The following C4orf50 variants were observed in gnomAD, a reference collection of about 807,000 sequenced individuals.
The protein encoded by C4orf50 is uncharacterized protein C4orf50.
In C4orf50, 80 loss-of-function variants were observed where a neutral mutation model predicts 77.2. That is an observed-to-expected ratio of 1.04 (90% confidence interval 0.87 to 1.25). C4orf50 has a LOEUF of 1.25. Among genes scored for constraint, C4orf50 ranks in the 50% most tolerant of loss-of-function variants. The pLI is 0.00. For synonymous variants in C4orf50, 532 were observed against 465.3 expected (o/e 1.14, Z -1.84); for missense variants, 1,257 against 1,152.9 (o/e 1.09, Z -1.31).
intron 7 of C4orf50, among the ~76,000 whole-genome samples, chr4:5,921,978 C>A (rs946691215): frequency 6.6e-6 from 1 of 152,094 alleles, no homozygotes; most frequent in Non-Finnish European, 1.5e-5. Flanking sequence ...AAAAAGCCCC[C>A]GAAGGAACCT....
In C4orf50 at chr4:6,008,364, G is replaced by A. The variant is rs1388961009; in HGVS notation, c.595C>T (p.Arg199Trp). Reference sequence around the variant, plus strand: ...CGCTCCAGCCGCTGCACCTGCTCCCGCAGGACGCGCTCCTGCTCCCGCACC... The same window carrying A: ...CGCTCCAGCCGCTGCACCTGCTCCCACAGGACGCGCTCCTGCTCCCGCACC... The change falls in exon 25 of 34, where the codon CGG becomes TGG. Residue 199 changes from arginine (R) to tryptophan (W), a missense_variant. Transcript: ENST00000531445. This position sits in a 1 kb window ranked among gnomAD's most constrained non-coding sequence, Gnocchi z 6.0. The A allele has an allele frequency of 7.7e-6, 3 of 391,770 alleles. No homozygotes were observed. The highest frequency in any genetic ancestry group is 4.1e-5 in the African/African-American group (2 of 48,208). The allele number at this position is 391,770 out of a possible 1,614,324, so 24.3% of individuals were successfully genotyped here.
chr4:6,001,295 G>A (rs948901141), intron 25 of C4orf50, among the ~76,000 whole-genome samples: 4 of 152,136 alleles, frequency 2.6e-5, no homozygotes, highest in African/African-American at 7.2e-5. Flanking sequence ...GATTACAGGC[G>A]CATGCCACCA....
chr4:5,982,791 T>G (rs1720663607), intron 28 of C4orf50, among the ~76,000 whole-genome samples: 1 of 148,988 alleles, frequency 6.7e-6, no homozygotes. Flanking sequence ...AGCCTGGGGG[T>G]GGGGGGAAGC....
intron 7 of C4orf50, among the ~76,000 whole-genome samples, chr4:5,925,180 A>G (rs1717459717): frequency 6.6e-6 from 1 of 151,952 alleles, no homozygotes; most frequent in Admixed American, 6.6e-5. Context: ...AAGAGAAGGG[A>G]CCAGCTGATG....
chr4:5,954,882 T>G (rs1360198277), downstream of C4orf50, among the ~76,000 whole-genome samples: 4 of 152,040 alleles, frequency 2.6e-5, no homozygotes, highest in Non-Finnish European at 5.9e-5. This position sits in a 1 kb window ranked among gnomAD's most constrained non-coding sequence, Gnocchi z 4.7. Context: ...TGAGAGAAGA[T>G]TCAGCAGCCG....
At chr4:6,005,357 G>T (rs1256400741) in intron 25 of C4orf50, among the ~76,000 whole-genome samples, 3 of 152,192 alleles carry the variant, frequency 2.0e-5, no homozygotes, top group African/African-American at 7.2e-5. Flanking sequence ...CACATGAGGT[G>T]CAGTTCCCCT....
Position 6,018,097 on chromosome 4 carries a change from C to A in C4orf50, c.287+48G>T, listed in dbSNP as rs1043551308. 2 of 397,898 alleles carry A rather than the reference C, an allele frequency of 5.0e-6. No homozygotes were observed. Among genetic ancestry groups the A allele is most frequent in the African/African-American group, 4.1e-5 (2 of 48,604 alleles). 24.6% of individuals were successfully genotyped at this position (397,898 alleles called of 1,614,324 possible). A position where few individuals can be genotyped will look rare whatever the true frequency, so the allele number is the denominator to read the frequency against. The stretch of plus-strand genomic sequence containing the variant: ...CACCATGGTGACACACTCTGATGGC[C>A]CCGCGGTTTGTGAAATACACACAGA... On this transcript the variant is annotated intron_variant, in intron 23 of 33. Transcript: ENST00000531445. The surrounding 1 kb of genome is among the most constrained non-coding windows in gnomAD (Gnocchi z 5.1).
At chr4:5,975,815 T>G in intron 30 of C4orf50, 84 bp downstream of exon 8, 5 of 1,073,786 alleles carry the variant, frequency 4.7e-6, no homozygotes, top group South Asian at 1.3e-5. Context: ...ACAATAGAGG[T>G]GGATTACATG....
At chr4:5,955,147 A>G (rs1006435589), downstream of C4orf50, among the ~76,000 whole-genome samples, 1 of 152,178 alleles carries the variant, frequency 6.6e-6, no homozygotes, top group Non-Finnish European at 1.5e-5. The surrounding 1 kb of genome is among the most constrained non-coding windows in gnomAD (Gnocchi z 5.1). Context: ...TTTTTTAAAA[A>G]TGACAAGCAT....
Position 5,991,204 on chromosome 4 carries a change from C to T in C4orf50, c.1222-380G>A, listed in dbSNP as rs1721265220. ...ATATATTTCTGTCTATATCATCTAA[C>T]TCCCCCTATAGCCCTGCCCTGTCCA... On this transcript the variant is annotated intron_variant, in intron 27 of 33. Coordinates refer to ENST00000531445, the Ensembl canonical transcript of C4orf50. 2.0e-5 allele frequency among the ~76,000 whole-genome samples: 3 copies of T among 152,232 alleles called. No homozygotes were observed. The South Asian group carries it at 6.2e-4, about 32-fold the overall frequency.
downstream of C4orf50, among the ~76,000 whole-genome samples, chr4:5,952,548 C>G (rs948834164): frequency 6.6e-6 from 1 of 152,332 alleles, no homozygotes; most frequent in South Asian, 2.1e-4. This position sits in a 1 kb window ranked among gnomAD's most constrained non-coding sequence, Gnocchi z 4.4. Context: ...CACCTGGCTG[C>G]GGGTGGAAGG....
exon 28 of C4orf50, chr4:5,990,038 C>T (rs1721167335): frequency 2.2e-6 from 3 of 1,352,584 alleles, no homozygotes; most frequent in South Asian, 4.7e-5. Context: ...GAGAAGGTGG[C>T]TGGGGGTGCC....
intron 7 of C4orf50, among the ~76,000 whole-genome samples, chr4:5,928,151 A>C (rs527680314): frequency 9.2e-5 from 14 of 152,366 alleles, no homozygotes; most frequent in Admixed American, 9.1e-4. Context: ...CTGAAAATTT[A>C]ATTCAGATAG....
In C4orf50 at chr4:6,017,246, G is replaced by A. The variant is rs1578006134; in HGVS notation, c.287+899C>T. 2.0e-5 allele frequency among the ~76,000 whole-genome samples: 3 copies of A among 152,342 alleles called. No individual in the cohort carries two copies. In the East Asian group the frequency reaches 5.8e-4, roughly 29 times the overall value. ...AGGCAGCCTGGATTAGCAACTGCCGGAAGCCACTTCTGCCCCTGGGGCTGG... is the reference window on the plus strand; with the variant it reads ...AGGCAGCCTGGATTAGCAACTGCCGAAAGCCACTTCTGCCCCTGGGGCTGG... On this transcript the variant is annotated intron_variant, in intron 23 of 33. Coordinates refer to ENST00000531445, the Ensembl canonical transcript of C4orf50. This position sits in a 1 kb window ranked among gnomAD's most constrained non-coding sequence, Gnocchi z 4.7.
At chr4:5,998,154 G>C (rs1385422206) in intron 25 of C4orf50, among the ~76,000 whole-genome samples, 2 of 152,190 alleles carry the variant, frequency 1.3e-5, no homozygotes, top group African/African-American at 4.8e-5. Flanking sequence ...TTATACTCCT[G>C]ATAGCTCAAA....
At chr4:5,912,890 G>C (rs969144133) in intron 7 of C4orf50, among the ~76,000 whole-genome samples, 3 of 152,198 alleles carry the variant, frequency 2.0e-5, no homozygotes, top group Non-Finnish European at 4.4e-5. Context: ...ATGACATGTG[G>C]CAGGGGAAAT....
chr4:5,907,877 C>A (rs1042931576), intron 7 of C4orf50, among the ~76,000 whole-genome samples: 1 of 152,160 alleles, frequency 6.6e-6, no homozygotes, highest in South Asian at 2.1e-4. Flanking sequence ...AGAAAGCAGA[C>A]CCCTGAGGCT....
chr4:5,957,265 T>C (rs1719021301), exon 34 of C4orf50: 1 of 152,284 alleles, frequency 6.6e-6, no homozygotes, highest in Admixed American at 6.5e-5. Context: ...GACGGACGTC[T>C]GAGCTCCTGG....
In C4orf50 at chr4:6,011,897, T is replaced by C; in HGVS notation, c.359A>G (p.Gln120Arg). 2 of 399,052 alleles carry C rather than the reference T, an allele frequency of 5.0e-6. No individual in the cohort carries two copies. Among genetic ancestry groups the C allele is most frequent in the Non-Finnish European group, 8.8e-6 (2 of 226,066 alleles). 24.7% of individuals were successfully genotyped at this position (399,052 alleles called of 1,614,324 possible). The change falls in exon 24 of 34, where the codon CAG (glutamine) becomes CGG (arginine). Residue 120 changes from glutamine to arginine, a missense_variant. Gln to Arg is a conservative substitution (Grantham distance 43). Transcript: ENST00000531445. The surrounding 1 kb of genome is among the most constrained non-coding windows in gnomAD (Gnocchi z 4.2). ...GGCCTGGAGCCAGGCGCTTCTCTCCTGGGCCACGTGGGTGCTCAGCTGGTC... is the reference window on the plus strand; with the variant it reads ...GGCCTGGAGCCAGGCGCTTCTCTCCCGGGCCACGTGGGTGCTCAGCTGGTC...
Sources: allele counts gnomAD v4.1 joint callset (sites outside exome capture counted in the v4.1 genomes callset), GRCh38; gene constraint gnomAD v4.1.1; non-coding constraint Gnocchi (gnomAD v3.1); transcripts MANE v1.5; gene names NCBI Gene and HGNC (gene_info 2026-07-23, HGNC 2026-07-21).